DPP6: variants seen among roughly 807,000 people sequenced by gnomAD.
DPP6 encodes A-type potassium channel modulatory protein DPP6.
A neutral mutation model predicts 122.6 loss-of-function variants in DPP6; 69 were observed. The ratio of observed to expected loss-of-function variants is 0.56; its 90% CI spans 0.46 to 0.69. DPP6 has a LOEUF of 0.69. Among genes scored for constraint, DPP6 ranks in the 30% least tolerant of loss-of-function variants. The probability of loss-of-function intolerance (pLI) is 0.00; values close to 1 mark genes in which losing one functional copy is unlikely to be tolerated. For synonymous variants in DPP6, 418 were observed against 433.1 expected, an observed-to-expected ratio of 0.97 and a Z score of 0.43; for missense variants, 928 against 1,116.9, an observed-to-expected ratio of 0.83 and a Z score of 2.41.
intron 1 of DPP6, among the ~76,000 whole-genome samples, chr7:154,201,609 C>A (rs1482214662): frequency 6.6e-6 from 1 of 152,202 alleles, no homozygotes; most frequent in Non-Finnish European, 1.5e-5. Context: ...CCACGCCGGA[C>A]TGTGGAGGTT....
At chr7:154,545,660 G>A (rs1441434916) in intron 4 of DPP6, among the ~76,000 whole-genome samples, 2 of 152,150 alleles carry the variant, frequency 1.3e-5, no homozygotes, top group Admixed American at 1.3e-4. Flanking sequence ...ATTATCAGAA[G>A]GGTGAAGTGT....
Position 154,794,395 on chromosome 7 carries a change from C to A in DPP6, c.1260+193C>A, listed in dbSNP as rs886943073. Among the ~76,000 whole-genome samples, 7 of 152,244 alleles carry A rather than the reference C, an allele frequency of 4.6e-5. No individual in the cohort carries two copies. The South Asian group carries it at 1.4e-3, about 31-fold the overall frequency. ...CACCTCGTGGCTGGTGCAGGCGCTG[C>A]CGCAGACCCGACCGAACCCATCCGT... On this transcript the variant is annotated intron_variant, in intron 11 of 25. Transcript: ENST00000377770.
chr7:153,842,770 T>C, the DPP6 span, among the ~76,000 whole-genome samples: 178 of 152,352 alleles, frequency 1.2e-3, no homozygotes, highest in Middle Eastern at 3.4e-3. Flanking sequence ...TTATTATTTA[T>C]AGATGAAGTT....
the DPP6 span, among the ~76,000 whole-genome samples, chr7:153,866,731 A>G: frequency 2.6e-5 from 4 of 152,148 alleles, no homozygotes; most frequent in Admixed American, 2.6e-4. Flanking sequence ...GCCCATGCCT[A>G]TGTCTTGAAT....
rs558009972 is a variant in DPP6 at position 153,947,828 on chromosome 7, G to A, written c.51+60094G>A. ...GGCATTTGGAGGGTGCCGCTCACAG[G>A]TGGGTCCTAGGACCTCCTTCTGGGG... On this transcript the variant is annotated intron_variant, in intron 1 of 25. Coordinates refer to the DPP6 transcript ENST00000404039. 6.6e-5 allele frequency among the ~76,000 whole-genome samples: 10 copies of A among 152,298 alleles called. No homozygotes were observed. The East Asian group carries it at 9.7e-4, about 15-fold the overall frequency.
chr7:154,505,268 A>G (rs1825577299), intron 3 of DPP6, among the ~76,000 whole-genome samples: 1 of 152,192 alleles, frequency 6.6e-6, no homozygotes, highest in Non-Finnish European at 1.5e-5. Context: ...ATAGATTTAC[A>G]TATATAGCAA....
intron 1 of DPP6, among the ~76,000 whole-genome samples, chr7:154,245,158 G>T (rs1036588319): frequency 6.6e-6 from 1 of 151,212 alleles, no homozygotes; most frequent in Non-Finnish European, 1.5e-5. Context: ...TCAACATGTT[G>T]GCCAGGCTGG....
At chr7:154,033,038 C>T (rs1048336079) in intron 1 of DPP6, among the ~76,000 whole-genome samples, 4 of 147,198 alleles carry the variant, frequency 2.7e-5, no homozygotes, top group Non-Finnish European at 6.0e-5. Flanking sequence ...GCCTTCCAAG[C>T]TAAGCAACAG....
intron 8 of DPP6, among the ~76,000 whole-genome samples, chr7:154,740,103 T>G (rs1842748612): frequency 6.6e-6 from 1 of 152,088 alleles, no homozygotes; most frequent in African/African-American, 2.4e-5. Flanking sequence ...AGAAATGTCC[T>G]TACAATTAAT....
rs866096233 is a variant in DPP6, at chr7:154,762,570, C to G, written c.884-6847C>G. On this transcript the variant is annotated intron_variant, in intron 8 of 25. Transcript: ENST00000377770. ...TCGCAGACTGAGCATGGCATTGGAC[C>G]CGATGGCCTTGCTTCCACTGAGCCT... Among the ~76,000 whole-genome samples the G allele has an allele frequency of 4.6e-5, 7 of 152,304 alleles. No homozygotes were observed. The South Asian group carries it at 1.0e-3, about 23-fold the overall frequency.
intron 1 of DPP6, among the ~76,000 whole-genome samples, chr7:153,931,611 A>AG (rs1801173650): frequency 6.6e-6 from 1 of 152,214 alleles, no homozygotes; most frequent in Admixed American, 6.5e-5. Context: ...GATTCCGTGG[A>AG]GGGCCTCCGA....
intron 1 of DPP6, among the ~76,000 whole-genome samples, chr7:154,008,971 A>C (rs1341045920): frequency 7.2e-6 from 1 of 139,670 alleles, no homozygotes; most frequent in South Asian, 2.4e-4. Flanking sequence ...GGCCAGGAAT[A>C]TTATTTCTAA....
At chr7:154,126,484 G>A (rs1352855357) in intron 1 of DPP6, among the ~76,000 whole-genome samples, 6 of 151,700 alleles carry the variant, frequency 4.0e-5, no homozygotes, top group Admixed American at 6.6e-5. Context: ...TTTGGTGGTC[G>A]TTTTTCCTTA....
At chr7:153,976,937 G>A (rs540597268) in intron 1 of DPP6, among the ~76,000 whole-genome samples, 10 of 152,312 alleles carry the variant, frequency 6.6e-5, no homozygotes, top group Non-Finnish European at 1.5e-4. Context: ...TGTGGCCTGG[G>A]ACCTCAGGGT....
At chr7:154,330,285 G>A (rs574071749) in intron 1 of DPP6, among the ~76,000 whole-genome samples, 235 of 152,336 alleles carry the variant, frequency 1.5e-3, no homozygotes, top group Middle Eastern at 6.8e-3. Flanking sequence ...ACCACAGATG[G>A]CAGAGGCTTT....
intron 5 of DPP6, among the ~76,000 whole-genome samples, chr7:154,586,233 A>G (rs897219718): frequency 2.0e-5 from 3 of 152,174 alleles, no homozygotes; most frequent in Middle Eastern, 3.4e-3. Context: ...CATGCCCATA[A>G]TCTCAGCACT....
intron 1 of DPP6, among the ~76,000 whole-genome samples, chr7:154,289,395 C>T (rs923158186): frequency 1.3e-5 from 2 of 152,172 alleles, no homozygotes; most frequent in Non-Finnish European, 2.9e-5. Context: ...CTGATCCTGA[C>T]TTTGACCTAT....
chr7:154,159,787 T>C (rs62487216), intron 1 of DPP6, among the ~76,000 whole-genome samples: 4,804 of 152,104 alleles, frequency 0.032, 2 homozygotes, highest in East Asian at 0.051. Context: ...GCACTATTAG[T>C]TGGTAATATG....
chr7:154,006,042 C>T (rs1204006930), intron 1 of DPP6, among the ~76,000 whole-genome samples: 4 of 152,050 alleles, frequency 2.6e-5, no homozygotes. Context: ...TGAGCAGCTG[C>T]AGGGCTGGAG....
Sources: gnomAD v4.1 joint callset for allele counts (sites outside exome capture counted in the v4.1 genomes callset) on GRCh38, gnomAD v4.1.1 for gene constraint, MANE v1.5 for transcripts, NCBI Gene and HGNC (gene_info 2026-07-23, HGNC 2026-07-21) for gene names.